The following ST6GALNAC5 variants were observed in gnomAD, a reference collection of about 807,000 sequenced individuals.
The protein encoded by ST6GALNAC5 is alpha-N-acetylgalactosaminide alpha-2,6-sialyltransferase 5.
In ST6GALNAC5, 27 loss-of-function variants were observed where a neutral mutation model predicts 33.6. That is an observed-to-expected ratio of 0.80 (90% CI 0.59 to 1.11). ST6GALNAC5 has a LOEUF of 1.11. ST6GALNAC5 is among the 50% of genes least tolerant of loss of function. The pLI, the probability that ST6GALNAC5 is intolerant of heterozygous loss-of-function variation, is 0.00. For missense variants in ST6GALNAC5, 428 were observed against 454.0 expected, an observed-to-expected ratio of 0.94 and a Z score of 0.52; for synonymous variants, 194 against 171.2, an observed-to-expected ratio of 1.13 and a Z score of -1.04.
chr1:76,961,072 T>C (rs1426203281), intron 2 of ST6GALNAC5, among the ~76,000 whole-genome samples: 2 of 152,164 alleles, frequency 1.3e-5, no homozygotes, highest in African/African-American at 4.8e-5. Context: ...GTTCAGAGAT[T>C]GCAGTAGAGA....
intron 2 of ST6GALNAC5, among the ~76,000 whole-genome samples, chr1:76,981,164 G>C (rs1172184618): frequency 4.6e-5 from 7 of 152,194 alleles, no homozygotes; most frequent in East Asian, 3.9e-4. Context: ...AGCCCAGAGA[G>C]GGCGAGCTGA....
At chr1:77,026,955 G>A (rs1319917498) in intron 2 of ST6GALNAC5, among the ~76,000 whole-genome samples, 3 of 152,208 alleles carry the variant, frequency 2.0e-5, no homozygotes, top group African/African-American at 7.2e-5. Context: ...ACAGTGGTTT[G>A]GGTCATCAGC....
At chr1:77,000,253 A>AT (rs1210943072) in intron 2 of ST6GALNAC5, among the ~76,000 whole-genome samples, 1 of 114,750 alleles carries the variant, frequency 8.7e-6, no homozygotes, top group Admixed American at 9.1e-5. Flanking sequence ...GATGATGAGC[A>AT]TTTTTTCATG....
chr1:76,994,917 A>G (rs1452999762), intron 2 of ST6GALNAC5, among the ~76,000 whole-genome samples: 1 of 152,142 alleles, frequency 6.6e-6, no homozygotes. Context: ...GGGCTCAAAC[A>G]CCAACCTCTT....
At chr1:76,892,428 T>C (rs1006570217) in intron 2 of ST6GALNAC5, among the ~76,000 whole-genome samples, 1 of 152,228 alleles carries the variant, frequency 6.6e-6, no homozygotes, top group Non-Finnish European at 1.5e-5. Flanking sequence ...CATTCAGCAT[T>C]ACTTGTAAAC....
At chr1:76,927,373 C>T (rs770205117) in intron 2 of ST6GALNAC5, among the ~76,000 whole-genome samples, 6 of 151,624 alleles carry the variant, frequency 4.0e-5, no homozygotes, top group Admixed American at 6.6e-5. Context: ...GATAGTGAGG[C>T]GATGAAGAGA....
chr1:76,942,426 T>C (rs1178666972), intron 2 of ST6GALNAC5, among the ~76,000 whole-genome samples: 1 of 152,174 alleles, frequency 6.6e-6, no homozygotes, highest in Non-Finnish European at 1.5e-5. Context: ...AAAATGTTAC[T>C]GTCCAAAATC....
intron 2 of ST6GALNAC5, among the ~76,000 whole-genome samples, chr1:77,019,633 G>A (rs1252332677): frequency 6.6e-6 from 1 of 152,196 alleles, no homozygotes; most frequent in Non-Finnish European, 1.5e-5. Flanking sequence ...GCCCAGCTTT[G>A]TGGAATAGTC....
chr1:77,049,060 C>G (rs898985880), intron 3 of ST6GALNAC5, among the ~76,000 whole-genome samples: 6 of 152,216 alleles, frequency 3.9e-5, no homozygotes, highest in Middle Eastern at 3.4e-3. Flanking sequence ...AAAGTTGAAG[C>G]CATGATCCCC....
chr1:76,929,286 G>T lies in ST6GALNAC5; in HGVS notation c.261+60544G>T, dbSNP rs1647113876. On this transcript the variant is annotated intron_variant, in intron 2 of 4. Transcript: ENST00000477717. ...CCAGGTGCAGGGACTCACACCTCTG[G>T]TCCCAGCATTTTGAGAGGCCGAGGC... Among the ~76,000 whole-genome samples, 3 of 152,156 alleles carry T rather than the reference G, an allele frequency of 2.0e-5. No individual in the cohort carries two copies. The South Asian group carries it at 6.2e-4, about 32-fold the overall frequency.
intron 2 of ST6GALNAC5, among the ~76,000 whole-genome samples, chr1:76,994,769 C>T (rs936787302): frequency 4.6e-5 from 7 of 152,182 alleles, no homozygotes; most frequent in Admixed American, 4.6e-4. Flanking sequence ...TTGAAAGCAG[C>T]AAAGTTCTGC....
intron 2 of ST6GALNAC5, among the ~76,000 whole-genome samples, chr1:76,959,910 G>A (rs1389798967): frequency 6.6e-6 from 1 of 152,122 alleles, no homozygotes; most frequent in Non-Finnish European, 1.5e-5. Context: ...GATCACAAAA[G>A]GGGTTACAAC....
At chr1:76,918,862 T>A (rs1314993029) in intron 2 of ST6GALNAC5, among the ~76,000 whole-genome samples, 2 of 152,156 alleles carry the variant, frequency 1.3e-5, no homozygotes, top group Non-Finnish European at 2.9e-5. Context: ...CACTGAAGAA[T>A]TGTAAGGACT....
intron 2 of ST6GALNAC5, among the ~76,000 whole-genome samples, chr1:77,016,666 G>A (rs1328170493): frequency 2.0e-5 from 3 of 152,064 alleles, no homozygotes; most frequent in African/African-American, 7.2e-5. Flanking sequence ...CGCTGACTTG[G>A]CCTCTTTGTA....
In ST6GALNAC5 at chr1:77,042,416, C is replaced by G. The variant is rs999140823; in HGVS notation, c.262-1788C>G. Among the ~76,000 whole-genome samples the G allele has an allele frequency of 9.8e-5, 15 of 152,322 alleles. No individual in the cohort carries two copies. The South Asian group carries it at 2.1e-3, about 21-fold the overall frequency. On this transcript the variant is annotated intron_variant, in intron 2 of 4. Transcript: ENST00000477717. ...TTCAAGGCTATTTGCCCCATTTTTG[C>G]ATTCTGACTGCCTAGCACAGTGCCT...
chr1:77,054,426 C>G (rs1201420466), intron 4 of ST6GALNAC5, among the ~76,000 whole-genome samples: 1 of 152,204 alleles, frequency 6.6e-6, no homozygotes, highest in African/African-American at 2.4e-5. Flanking sequence ...TGCATCTGGA[C>G]TATTGTATAA....
intron 2 of ST6GALNAC5, among the ~76,000 whole-genome samples, chr1:77,005,938 A>T (rs1228942439): frequency 6.6e-6 from 1 of 152,184 alleles, no homozygotes; most frequent in Non-Finnish European, 1.5e-5. Flanking sequence ...TTGTTTATCC[A>T]TTCCTCCATT....
chr1:77,060,164 G>C (rs940406061), intron 4 of ST6GALNAC5: 1 of 152,072 alleles, frequency 6.6e-6, no homozygotes, highest in Non-Finnish European at 1.5e-5. Flanking sequence ...CTGGCTGTCA[G>C]AGTGTGCATG....
rs71423419 is a variant in ST6GALNAC5, at chr1:76,985,200, A to G, written c.262-59004A>G. 3.1e-3 allele frequency among the ~76,000 whole-genome samples: 467 copies of G among 152,326 alleles called. 3 individuals are homozygous for G. The highest frequency in any genetic ancestry group is 0.011 in the African/African-American group (448 of 41,568). On this transcript the variant is annotated intron_variant, in intron 2 of 4. Coordinates refer to ENST00000477717, the MANE Select transcript of ST6GALNAC5 (RefSeq NM_030965.3). The stretch of plus-strand genomic sequence containing the variant: ...CAAGAGAAAGAAAGAAAGGGTATTC[A>G]ATTAGGAAAAGAGGAAGTCAAATTG...
Sources: allele counts gnomAD v4.1 joint callset (sites outside exome capture counted in the v4.1 genomes callset), GRCh38; gene constraint gnomAD v4.1.1; transcripts MANE v1.5; gene names NCBI Gene and HGNC (gene_info 2026-07-23, HGNC 2026-07-21).